UPP2: variants seen among roughly 807,000 people sequenced by gnomAD.
The protein encoded by UPP2 is UPase 2.
UPP2 carries 23 observed loss-of-function variants against 26.7 expected under a neutral mutation model. The observed-to-expected ratio is 0.86, with a 90% CI of 0.62 to 1.22. UPP2 has a LOEUF of 1.22. Ranked by LOEUF, UPP2 falls within the 50% of genes most tolerant of loss-of-function variation. The pLI is 0.00. For missense variants in UPP2, 387 were observed against 396.7 expected (o/e 0.98, Z 0.21); for synonymous variants, 127 against 141.3 (o/e 0.90, Z 0.72).
At chr2:158,118,008 C>A (rs1272754855) in intron 4 of UPP2, 70 bp downstream of exon 4, 20 of 1,315,916 alleles carry the variant, frequency 1.5e-5, no homozygotes, top group African/African-American at 4.4e-5. Context: ...CAAAATATAA[C>A]ATCCTATTCA....
chr2:158,095,981 A>G (rs1682979189), intron 3 of UPP2, among the ~76,000 whole-genome samples: 1 of 152,166 alleles, frequency 6.6e-6, no homozygotes, highest in Non-Finnish European at 1.5e-5. Flanking sequence ...AACATCATTA[A>G]GAACAGAAAC....
At chr2:158,036,187 C>T (rs1683997558) in intron 3 of UPP2, among the ~76,000 whole-genome samples, 1 of 152,206 alleles carries the variant, frequency 6.6e-6, no homozygotes, top group Admixed American at 6.5e-5. Flanking sequence ...GAAAAAAATG[C>T]TTGCTGAGTT....
chr2:158,060,421 T>C (rs1460483359), intron 3 of UPP2, among the ~76,000 whole-genome samples: 1 of 152,154 alleles, frequency 6.6e-6, no homozygotes, highest in Non-Finnish European at 1.5e-5. Flanking sequence ...ATTATGATAG[T>C]GGGTAATTGA....
At chr2:158,046,303 C>T (rs1242862746) in intron 3 of UPP2, among the ~76,000 whole-genome samples, 2 of 152,210 alleles carry the variant, frequency 1.3e-5, no homozygotes, top group Non-Finnish European at 2.9e-5. Context: ...TCCACTCCCC[C>T]TCACTTGAAT....
chr2:158,106,052 T>C, intron 1 of UPP2, 47 bp from the exon 2 acceptor site: 1 of 1,394,828 alleles, frequency 7.2e-7, no homozygotes, highest in Non-Finnish European at 9.8e-7. Flanking sequence ...TTGTGAGCTT[T>C]CTCTCAAAAT....
intron 3 of UPP2, among the ~76,000 whole-genome samples, chr2:158,060,385 G>A (rs75383590): frequency 0.025 from 3,795 of 152,214 alleles, 157 homozygotes; most frequent in African/African-American, 0.087. Context: ...TCTGGTGCAC[G>A]GTAAGCTGTC....
chr2:158,008,191 T>C (rs1051880321), intron 2 of UPP2, among the ~76,000 whole-genome samples: 1 of 152,230 alleles, frequency 6.6e-6, no homozygotes, highest in African/African-American at 2.4e-5. Context: ...TAATGTATAT[T>C]TGCTTATAAA....
intron 2 of UPP2, among the ~76,000 whole-genome samples, chr2:158,001,278 G>T (rs190861963): frequency 1.7e-3 from 258 of 152,286 alleles, no homozygotes; most frequent in Middle Eastern, 3.4e-3. Flanking sequence ...AAAGGTATTA[G>T]CAGGTTATAG....
At chr2:158,122,050 G>C (rs867137431) in intron 5 of UPP2, among the ~76,000 whole-genome samples, 1 of 151,968 alleles carries the variant, frequency 6.6e-6, no homozygotes, top group Admixed American at 6.6e-5. Flanking sequence ...AATCCCACGG[G>C]ATGGCATGAT....
chr2:158,083,070 G>A (rs538566585), intron 3 of UPP2, among the ~76,000 whole-genome samples: 8 of 152,196 alleles, frequency 5.3e-5, no homozygotes, highest in Admixed American at 5.2e-4. Context: ...ATGCTGGAGA[G>A]GATGCGGAGA....
intron 3 of UPP2, among the ~76,000 whole-genome samples, chr2:158,069,425 T>G (rs1409563234): frequency 6.6e-6 from 1 of 152,202 alleles, no homozygotes; most frequent in Non-Finnish European, 1.5e-5. Context: ...GCTCCTGCAG[T>G]GTGGGCAGCT....
At chr2:158,106,865 G>A (rs1683207730) in intron 2 of UPP2, among the ~76,000 whole-genome samples, 1 of 152,124 alleles carries the variant, frequency 6.6e-6, no homozygotes, top group East Asian at 1.9e-4. Context: ...ACATAGACAT[G>A]ATCAACTCAT....
rs754301438 is a variant in UPP2, at chr2:158,106,178, A to AAAAC, written c.144_147dup (p.His50AsnfsTer37). On this transcript the variant is annotated frameshift_variant, in exon 2 of 7. Transcript: ENST00000005756. LOFTEE classifies it high-confidence loss of function. Reference sequence around the variant, plus strand: ...TCTCTATCACTTGGATTTGGGAACAAAAACACACAACCTACCAGCAATGTT... The same window carrying AAAAC: ...TCTCTATCACTTGGATTTGGGAACAAAAACAAACACACAACCTACCAGCAATGTT... 1 of 1,613,030 alleles carries AAAAC rather than the reference A, an allele frequency of 6.2e-7. No homozygotes were observed. Among genetic ancestry groups the AAAAC allele is most frequent in the Non-Finnish European group, 8.5e-7 (1 of 1,179,650 alleles).
intron 3 of UPP2, among the ~76,000 whole-genome samples, chr2:158,054,260 G>A (rs189842618): frequency 9.9e-5 from 15 of 151,614 alleles, no homozygotes; most frequent in African/African-American, 3.4e-4. Flanking sequence ...CCTGTCTCAA[G>A]GAAAAGTAAA....
At position 158,130,693 on chromosome 2, in the gene UPP2, G is replaced by C. The variant is rs984756656; in HGVS notation, c.812-4055G>C. Among the ~76,000 whole-genome samples the C allele has an allele frequency of 4.6e-5, 7 of 152,256 alleles. No homozygotes were observed. In the South Asian group the frequency reaches 6.2e-4, roughly 14 times the overall value. ...TGGGCACCCAAAGAACTGGGGTCCA[G>C]GTATGTATATTTGTGGTAATGATGA... On this transcript the variant is annotated intron_variant, in intron 6 of 6. Transcript: ENST00000005756.
chr2:158,123,262 G>A (rs11692274), intron 5 of UPP2, among the ~76,000 whole-genome samples: 1 of 152,046 alleles, frequency 6.6e-6, no homozygotes, highest in African/African-American at 2.4e-5. Context: ...GTGCGGAAAG[G>A]GGGAAGGTGG....
intron 2 of UPP2, among the ~76,000 whole-genome samples, chr2:158,110,115 A>C (rs1683281723): frequency 6.6e-6 from 1 of 152,130 alleles, no homozygotes; most frequent in Admixed American, 6.5e-5. Context: ...TTAACTCGTC[A>C]TTTACATTAT....
intron 3 of UPP2, among the ~76,000 whole-genome samples, chr2:158,068,765 A>AATACATATATATAT (rs1682477832): frequency 2.2e-4 from 7 of 31,700 alleles, no homozygotes. Flanking sequence ...TTCAAATTCA[A>AATACATATATATAT]ATATATATAT....
In UPP2 at chr2:158,115,340, T is replaced by G. The variant is rs144362574; in HGVS notation, c.339+81T>G. The G allele has an allele frequency of 2.1e-4, 305 of 1,466,740 alleles. 2 individuals are homozygous for G. In the East Asian group the frequency reaches 6.6e-3, roughly 32 times the overall value. 90.9% of individuals were successfully genotyped at this position (1,466,740 alleles called of 1,614,324 possible). ...GAACTTTTACATGTAGGAGTTCTTT[T>G]TCCCTCCAGCTTCGCATTCTTACAC... On this transcript the variant is annotated intron_variant, in intron 3 of 6. Transcript: ENST00000005756.
Sources: allele counts gnomAD v4.1 joint callset (sites outside exome capture counted in the v4.1 genomes callset), GRCh38; gene constraint gnomAD v4.1.1; transcripts MANE v1.5; gene names NCBI Gene and HGNC (gene_info 2026-07-23, HGNC 2026-07-21).